CACNA1C: variants seen among roughly 807,000 people sequenced by gnomAD.
CACNA1C encodes voltage-dependent L-type calcium channel subunit alpha-1C.
CACNA1C carries 30 observed loss-of-function variants against 229.0 expected under a neutral mutation model. That is an observed-to-expected ratio of 0.13 (90% CI 0.10 to 0.18). The LOEUF is 0.18. Ranked by LOEUF, CACNA1C falls within the 10% of genes least tolerant of loss-of-function variation. CACNA1C has a pLI of 1.00. For missense variants in CACNA1C, 1,658 were observed against 2,845.0 expected, an observed-to-expected ratio of 0.58 and a Z score of 9.49; for synonymous variants, 1,114 against 1,132.5, an observed-to-expected ratio of 0.98 and a Z score of 0.33.
At chr12:2,447,940 A>G (rs775014815) in intron 3 of CACNA1C, among the ~76,000 whole-genome samples, 15 of 152,336 alleles carry the variant, frequency 9.8e-5, no homozygotes, top group South Asian at 6.2e-4. Flanking sequence ...CCCGAATGCA[A>G]TGTGGATGGG....
chr12:1,988,156 A>G (rs1417618427), intron 1 of CACNA1C, among the ~76,000 whole-genome samples: 1 of 152,180 alleles, frequency 6.6e-6, no homozygotes. Flanking sequence ...AATGACACCA[A>G]AATCTCAATG....
intron 3 of CACNA1C, among the ~76,000 whole-genome samples, chr12:2,415,056 C>T (rs1332217430): frequency 6.6e-6 from 1 of 152,202 alleles, no homozygotes; most frequent in Non-Finnish European, 1.5e-5. Context: ...CACGCACACC[C>T]TCTTCTGCTG....
At chr12:2,473,008 G>C (rs1174981320) in intron 5 of CACNA1C, among the ~76,000 whole-genome samples, 1 of 152,170 alleles carries the variant, frequency 6.6e-6, no homozygotes, top group East Asian at 1.9e-4. Context: ...TCTCACTGTA[G>C]ACAAAGGGCC....
At chr12:2,004,320 C>A in intron 1 of CACNA1C, 1 of 1,613,410 alleles carries the variant, frequency 6.2e-7, no homozygotes, top group Non-Finnish European at 8.5e-7. Context: ...TACAGAGCCA[C>A]CTGGCTGGCC....
At chr12:2,368,553 A>G (rs1390724741) in intron 3 of CACNA1C, among the ~76,000 whole-genome samples, 4 of 152,264 alleles carry the variant, frequency 2.6e-5, no homozygotes, top group African/African-American at 9.6e-5. Context: ...AAATGTGCTT[A>G]GGGAAAATAT....
intron 3 of CACNA1C, among the ~76,000 whole-genome samples, chr12:2,208,617 G>A (rs1418261311): frequency 6.6e-6 from 1 of 152,128 alleles, no homozygotes; most frequent in Non-Finnish European, 1.5e-5. Flanking sequence ...GGCATTTGAG[G>A]GACTCAGGGC....
rs1414756869 is a variant in CACNA1C, at chr12:2,215,152, C to T, written c.477+94722C>T. On this transcript the variant is annotated intron_variant, in intron 3 of 46. Transcript: ENST00000399655. This position sits in a 1 kb window ranked among gnomAD's most constrained non-coding sequence, Gnocchi z 5.0. ...TGTTTGCCGGCATATCTGGGGTTCC[C>T]TGGTCACTGAGACATCAGAGACATG... 1.3e-5 allele frequency among the ~76,000 whole-genome samples: 2 copies of T among 152,210 alleles called. No homozygotes were observed. Among genetic ancestry groups the T allele is most frequent in the East Asian group, 3.9e-4 (2 of 5,184 alleles).
intron 3 of CACNA1C, among the ~76,000 whole-genome samples, chr12:2,209,541 A>C (rs1005184634): frequency 3.9e-5 from 6 of 152,216 alleles, no homozygotes; most frequent in Non-Finnish European, 8.8e-5. Context: ...TACCACCGTC[A>C]CACAGCGCCC....
intron 9 of CACNA1C, among the ~76,000 whole-genome samples, chr12:2,534,304 A>G (rs569671019): frequency 5.3e-5 from 8 of 152,190 alleles, no homozygotes; most frequent in Non-Finnish European, 1.2e-4. Context: ...GGGAAGGTGT[A>G]GTTAGATGGG....
Position 2,597,332 on chromosome 12 carries a change from C to T in CACNA1C, c.2853+43C>T. The T allele has an allele frequency of 6.5e-7, 1 of 1,533,074 alleles. No homozygotes were observed. Among genetic ancestry groups the T allele is most frequent in the Non-Finnish European group, 9.0e-7 (1 of 1,106,304 alleles). The allele number at this position is 1,533,074 out of a possible 1,614,324, so 95.0% of individuals were successfully genotyped here. A position where few individuals can be genotyped will look rare whatever the true frequency, so the allele number is the denominator to read the frequency against. On this transcript the variant is annotated intron_variant, in intron 21 of 46. Coordinates refer to ENST00000399655, the MANE Select transcript of CACNA1C (RefSeq NM_000719.7). This position sits in a 1 kb window ranked among gnomAD's most constrained non-coding sequence, Gnocchi z 4.3. The stretch of plus-strand genomic sequence containing the variant: ...TTCTGCTCCTCCTGTCCCCCTTGTG[C>T]CAGCACCAGGTCTCTGCCGCTGTCT...
intron 43 of CACNA1C, among the ~76,000 whole-genome samples, chr12:2,683,957 C>A (rs901620399): frequency 6.6e-6 from 1 of 152,226 alleles, no homozygotes; most frequent in Admixed American, 6.5e-5. Context: ...ACCGACCCCT[C>A]CCAGCATGTC....
At chr12:2,082,016 G>A (rs1432225885) in intron 1 of CACNA1C, among the ~76,000 whole-genome samples, 1 of 152,032 alleles carries the variant, frequency 6.6e-6, no homozygotes, top group East Asian at 1.9e-4. Context: ...CTGCCATTTT[G>A]AGAGGTAAGA....
chr12:2,580,885 G>A lies in CACNA1C; in HGVS notation c.1896-705G>A, dbSNP rs988310766. ...TCACCTGCTGATCAGAATCCTGTAG[G>A]ATGCTTGTTAGAAACAAAGATATCT... On this transcript the variant is annotated intron_variant, in intron 13 of 46. Transcript: ENST00000399655. 6.6e-5 allele frequency among the ~76,000 whole-genome samples: 10 copies of A among 152,214 alleles called. 1 individual carries two copies. Among genetic ancestry groups the A allele is most frequent in the Non-Finnish European group, 1.5e-4 (10 of 68,034 alleles).
intron 13 of CACNA1C, among the ~76,000 whole-genome samples, chr12:2,580,643 C>G (rs1033700504): frequency 3.9e-5 from 6 of 152,198 alleles, no homozygotes; most frequent in African/African-American, 1.4e-4. Context: ...AGTAGGTTCC[C>G]CCTCCCACTT....
chr12:2,035,738 C>G (rs752172898), intron 1 of CACNA1C, among the ~76,000 whole-genome samples: 11 of 152,204 alleles, frequency 7.2e-5, no homozygotes, highest in Non-Finnish European at 1.3e-4. Flanking sequence ...TTCCTACTTC[C>G]GAGGCAGGAC....
intron 1 of CACNA1C, among the ~76,000 whole-genome samples, chr12:1,996,741 G>A (rs1367086400): frequency 6.6e-6 from 1 of 151,058 alleles, no homozygotes; most frequent in Non-Finnish European, 1.5e-5. Context: ...TGTCCTATGG[G>A]CCGTGGGTTG....
intron 3 of CACNA1C, among the ~76,000 whole-genome samples, chr12:2,382,839 C>G (rs542953994): frequency 6.6e-6 from 1 of 152,114 alleles, no homozygotes; most frequent in Non-Finnish European, 1.5e-5. Context: ...AGAGCTCATC[C>G]GAGATCTTGA....
At chr12:2,483,727 C>G (rs537749467) in intron 5 of CACNA1C, among the ~76,000 whole-genome samples, 1 of 152,026 alleles carries the variant, frequency 6.6e-6, no homozygotes, top group South Asian at 2.1e-4. Context: ...CCAGCCTGGA[C>G]GGGGATGTGA....
Position 2,669,047 on chromosome 12 carries a change from C to G in CACNA1C, c.4726+12C>G, listed in dbSNP as rs531900229. The stretch of plus-strand genomic sequence containing the variant: ...GATCAAAACAGAAGGTAAGGTCGCC[C>G]GTGGGCACTGGGAGAGACACTCAGA... On this transcript the variant is annotated intron_variant, in intron 38 of 46. Coordinates refer to ENST00000399655, the MANE Select transcript of CACNA1C (RefSeq NM_000719.7). 5 of 1,563,300 alleles carry G rather than the reference C, an allele frequency of 3.2e-6. No individual in the cohort carries two copies. In the East Asian group the frequency reaches 1.1e-4, roughly 35 times the overall value.
Sources: allele counts gnomAD v4.1 joint callset (sites outside exome capture counted in the v4.1 genomes callset), GRCh38; gene constraint gnomAD v4.1.1; non-coding constraint Gnocchi (gnomAD v3.1); transcripts MANE v1.5; gene names NCBI Gene and HGNC (gene_info 2026-07-23, HGNC 2026-07-21).